Variants in ABR observed in about 807,000 individuals in gnomAD.
ABR encodes the protein ABR activator of RhoGEF and GTPase, also known as active breakpoint cluster region-related protein.
A neutral mutation model predicts 107.2 loss-of-function variants in ABR; 35 were observed. The observed-to-expected ratio is 0.33, with a 90% confidence interval of 0.25 to 0.43. The LOEUF (loss-of-function observed/expected upper bound fraction) is 0.43. ABR is among the 20% of genes least tolerant of loss of function. The pLI is 1.00. For synonymous variants in ABR, 498 were observed against 462.0 expected (o/e 1.08, Z -1.00); for missense variants, 815 against 1,115.2 (o/e 0.73, Z 3.83).
At chr17:1,066,036 C>T (rs928059499) in intron 10 of ABR, among the ~76,000 whole-genome samples, 6 of 152,128 alleles carry the variant, frequency 3.9e-5, no homozygotes, top group African/African-American at 7.2e-5. Context: ...TGATCCACCA[C>T]GCCTGGATAA....
chr17:1,024,487 A>G (rs1457763639), intron 16 of ABR, among the ~76,000 whole-genome samples: 1 of 152,058 alleles, frequency 6.6e-6, no homozygotes, highest in Non-Finnish European at 1.5e-5. Context: ...CTCATTCCTC[A>G]TATATAAAAA....
intron 10 of ABR, among the ~76,000 whole-genome samples, chr17:1,060,280 G>C (rs577566007): frequency 6.6e-6 from 1 of 151,990 alleles, no homozygotes; most frequent in Non-Finnish European, 1.5e-5. Flanking sequence ...CGTGGTGGCG[G>C]GCGCCTGTAA....
rs1168452239 is a variant in ABR at position 1,091,779 on chromosome 17, G to A, written c.417C>T (p.Ile139=). Residue 139 remains isoleucine, a synonymous_variant, in exon 4 of 23, where the codon ATC becomes ATT. Transcript: ENST00000302538. ...PVLTIQQIET[I]FYKIQDIYEI... is the part of the protein sequence containing the mutation. ...CATAGATGTCCTGGATCTTGTAGAA[G>A]ATGGTCTCGATCTGCTGGATGGTGA... is the stretch of plus-strand genomic sequence containing the variant. 6.2e-7 allele frequency: 1 copy of A among 1,614,202 alleles called. No homozygotes were observed. The highest frequency in any genetic ancestry group is 8.5e-7 in the Non-Finnish European group (1 of 1,180,028).
At chr17:1,113,277 G>A (rs2038804125) in intron 2 of ABR, among the ~76,000 whole-genome samples, 1 of 88,172 alleles carries the variant, frequency 1.1e-5, no homozygotes, top group African/African-American at 5.1e-5. Flanking sequence ...CACCTATTGC[G>A]ATTTTTTTTT....
chr17:1,022,100 C>CT (rs2071714883), intron 16 of ABR, among the ~76,000 whole-genome samples: 1 of 48,444 alleles, frequency 2.1e-5, no homozygotes, highest in Non-Finnish European at 3.2e-5. Context: ...GAGCAAGACT[C>CT]TGTCTCAAAA....
At chr17:1,021,930 G>A (rs965160795) in intron 16 of ABR, among the ~76,000 whole-genome samples, 6 of 151,814 alleles carry the variant, frequency 4.0e-5, no homozygotes, top group Admixed American at 6.6e-5. Flanking sequence ...AGGCAGAGGC[G>A]GGCGGATCAC....
chr17:1,105,904 G>A (rs1171403711), intron 2 of ABR, among the ~76,000 whole-genome samples: 2 of 151,928 alleles, frequency 1.3e-5, no homozygotes, highest in African/African-American at 4.8e-5. Flanking sequence ...ATACCTAAAG[G>A]GTTAATCTGC....
chr17:1,159,586 T>C lies in ABR; in HGVS notation c.61+20081A>G, dbSNP rs1336466912. Among the ~76,000 whole-genome samples, 2 of 103,618 alleles carry C rather than the reference T, an allele frequency of 1.9e-5. 1 individual carries two copies. Among genetic ancestry groups the C allele is most frequent in the Non-Finnish European group, 4.1e-5 (2 of 49,104 alleles). The allele number at this position is 103,618 out of a possible 152,430, so 68.0% of individuals were successfully genotyped here. ...TACTCACACACGGGAGAAGTAAGAA[T>C]GCGGTACTCACACACATGAGAAGTA... On this transcript the variant is annotated intron_variant, in intron 1 of 22. Coordinates refer to ENST00000302538, the MANE Select transcript of ABR (RefSeq NM_021962.5).
intron 1 of ABR, among the ~76,000 whole-genome samples, chr17:1,226,949 G>A (rs956466375): frequency 6.6e-6 from 1 of 152,110 alleles, no homozygotes; most frequent in Non-Finnish European, 1.5e-5. Flanking sequence ...TGGAGACAGA[G>A]GCAGAACCCG....
chr17:1,167,277 G>A (rs959004846), intron 1 of ABR, among the ~76,000 whole-genome samples: 10 of 151,908 alleles, frequency 6.6e-5, no homozygotes, highest in African/African-American at 9.7e-5. Context: ...AGGACTCTCC[G>A]GGGCATCCCC....
At chr17:1,212,009 G>A (rs1383518552) in intron 1 of ABR, among the ~76,000 whole-genome samples, 1 of 151,972 alleles carries the variant, frequency 6.6e-6, no homozygotes, top group East Asian at 1.9e-4. Context: ...TTGAACTCGG[G>A]AGGTGGAGGT....
At chr17:1,053,944 A>G (rs2440042) in intron 14 of ABR, among the ~76,000 whole-genome samples, 142,187 of 152,194 alleles carry the variant, frequency 0.93, 66,528 homozygotes, top group African/African-American at 0.98. Context: ...GTCTGGAGAG[A>G]GTTCAGGAAG....
At chr17:1,118,063 TGAGCCTGAGTCCTTCCCAGCGTTATCC>T (rs2039121871) in intron 2 of ABR, among the ~76,000 whole-genome samples, 1 of 46,938 alleles carries the variant, frequency 2.1e-5, no homozygotes, top group East Asian at 4.7e-4. Flanking sequence ...GCGTTATCCC[TGAGCCTGAGTCCTTCCCAGCGTTATCC>T]CTGAGCCTGA....
At chr17:1,126,103 C>A (rs1316934699) in intron 1 of ABR, among the ~76,000 whole-genome samples, 3 of 152,166 alleles carry the variant, frequency 2.0e-5, no homozygotes, top group Non-Finnish European at 4.4e-5. Flanking sequence ...GCTGCCAGCA[C>A]CACTTGGGCT....
intron 6 of ABR, among the ~76,000 whole-genome samples, chr17:1,076,210 C>T (rs887570190): frequency 6.6e-6 from 1 of 152,146 alleles, no homozygotes; most frequent in African/African-American, 2.4e-5. Context: ...CACTGGTTTA[C>T]GTAAATACAC....
intron 1 of ABR, among the ~76,000 whole-genome samples, chr17:1,159,689 G>A (rs62069459): frequency 0.013 from 301 of 23,996 alleles, 8 homozygotes; most frequent in African/African-American, 0.026. Context: ...CTCACACACA[G>A]GAGAAGCAGG....
chr17:1,100,320 G>A (rs375593560), intron 3 of ABR, among the ~76,000 whole-genome samples: 6 of 152,108 alleles, frequency 3.9e-5, no homozygotes, highest in East Asian at 1.9e-4. Flanking sequence ...CTCGGCCCCC[G>A]CCCAGGCAGG....
At chr17:1,114,285 C>T (rs1055548910) in intron 2 of ABR, among the ~76,000 whole-genome samples, 2 of 150,686 alleles carry the variant, frequency 1.3e-5, no homozygotes, top group South Asian at 2.1e-4. Flanking sequence ...GCCTGGTCTA[C>T]GTGGTAAAAC....
At chr17:1,120,827 C>G (rs1054331780) in intron 2 of ABR, among the ~76,000 whole-genome samples, 1 of 152,180 alleles carries the variant, frequency 6.6e-6, no homozygotes, top group African/African-American at 2.4e-5. Flanking sequence ...TCAGGCCACA[C>G]AGTGAGACAG....
Sources: allele counts gnomAD v4.1 joint callset (sites outside exome capture counted in the v4.1 genomes callset), GRCh38; gene constraint gnomAD v4.1.1; transcripts MANE v1.5; gene names NCBI Gene and HGNC (gene_info 2026-07-23, HGNC 2026-07-21).